IFNG-AS1: variants seen among roughly 807,000 people sequenced by gnomAD.
IFNG-AS1 encodes the protein IFNG regulatory antisense RNA 1.
In IFNG-AS1 at chr12:68,018,343, A is replaced by G. The variant is rs567208728; in HGVS notation, n.242-1519A>G. Reference sequence around the variant, plus strand: ...AGAATGAATTTGATGGATTTAATTGAATTTAACTAAATTAAAAGCATAATA... The same window carrying G: ...AGAATGAATTTGATGGATTTAATTGGATTTAACTAAATTAAAAGCATAATA... On this transcript the variant is annotated intron_variant and non_coding_transcript_variant, in intron 3 of 5. Coordinates refer to ENST00000536914, the Ensembl canonical transcript of IFNG-AS1. Among the ~76,000 whole-genome samples the G allele has an allele frequency of 5.2e-4, 79 of 152,280 alleles. 1 individual carries two copies. In the South Asian group the frequency reaches 0.016, roughly 30 times the overall value.
chr12:68,017,950 A>T (rs879367249), intron 3 of IFNG-AS1, among the ~76,000 whole-genome samples: 1 of 152,188 alleles, frequency 6.6e-6, no homozygotes, highest in Non-Finnish European at 1.5e-5. Flanking sequence ...TACTATTTTT[A>T]GATTATTCAC....
intron 1 of IFNG-AS1, among the ~76,000 whole-genome samples, chr12:67,994,783 G>A (rs1879596501): frequency 6.6e-6 from 1 of 152,182 alleles, no homozygotes; most frequent in African/African-American, 2.4e-5. Context: ...CATCATAAGT[G>A]ATGAAAGTGA....
At chr12:68,020,896 C>A (rs1880271695) in intron 4 of IFNG-AS1, 1 of 152,142 alleles carries the variant, frequency 6.6e-6, no homozygotes, top group Non-Finnish European at 1.5e-5. Context: ...TTTCAAAGAA[C>A]CAAGTCTGAG....
chr12:68,017,103 G>C (rs141804523), intron 3 of IFNG-AS1, among the ~76,000 whole-genome samples: 335 of 152,294 alleles, frequency 2.2e-3, no homozygotes, highest in African/African-American at 7.6e-3. Context: ...ACCTGAGAAA[G>C]AGCCAAGTAT....
At position 68,019,898 on chromosome 12, in the gene IFNG-AS1, G is replaced by C. The variant is rs2051993; in HGVS notation, n.278G>C. The C allele has an allele frequency of 9.2e-5, 14 of 151,944 alleles. 1 individual carries two copies. The highest frequency in any genetic ancestry group is 3.4e-4 in the African/African-American group (14 of 41,350). The allele number at this position is 151,944 out of a possible 1,614,324, so 9.4% of individuals were successfully genotyped here. On this transcript the variant is annotated splice_region_variant and non_coding_transcript_exon_variant, in exon 4 of 6. Coordinates refer to ENST00000536914, the Ensembl canonical transcript of IFNG-AS1. ...ACCAACTGCTAACAACCAGCTGGAG[G>C]GTAAGTCAAAAGCTATGAGAGCCCA... is the stretch of plus-strand genomic sequence containing the variant.
intron 3 of IFNG-AS1, among the ~76,000 whole-genome samples, chr12:68,016,696 A>C (rs1458457105): frequency 6.6e-6 from 1 of 152,138 alleles, no homozygotes; most frequent in Admixed American, 6.5e-5. Context: ...ATTCAACTTC[A>C]CAATTCACTG....
intron 4 of IFNG-AS1, chr12:68,020,595 T>C (rs1880263833): frequency 6.6e-6 from 1 of 152,154 alleles, no homozygotes; most frequent in South Asian, 2.1e-4. Context: ...ATTTCAGACA[T>C]GCAAAGAAAT....
At chr12:67,997,475 C>A (rs1234544195) in intron 2 of IFNG-AS1, among the ~76,000 whole-genome samples, 1 of 151,574 alleles carries the variant, frequency 6.6e-6, no homozygotes, top group Non-Finnish European at 1.5e-5. Context: ...TATCTCACAC[C>A]ATATACAAGC....
At chr12:68,000,549 G>C (rs918466159) in intron 2 of IFNG-AS1, among the ~76,000 whole-genome samples, 2 of 152,052 alleles carry the variant, frequency 1.3e-5, no homozygotes, top group African/African-American at 4.8e-5. Context: ...GTGCACACCT[G>C]TAAGTCCCAG....
At chr12:67,993,293 G>A (rs1240594656) in intron 1 of IFNG-AS1, among the ~76,000 whole-genome samples, 4 of 152,162 alleles carry the variant, frequency 2.6e-5, no homozygotes, top group Non-Finnish European at 4.4e-5. Context: ...ACAGGATTTA[G>A]AAGAGCAATC....
intron 2 of IFNG-AS1, among the ~76,000 whole-genome samples, chr12:68,000,608 A>G (rs895168293): frequency 6.6e-6 from 1 of 152,156 alleles, no homozygotes; most frequent in African/African-American, 2.4e-5. Context: ...GGAGTTTCAG[A>G]CTGCAGTGAG....
chr12:68,014,485 C>T (rs1470806979), intron 3 of IFNG-AS1, among the ~76,000 whole-genome samples: 1 of 152,160 alleles, frequency 6.6e-6, no homozygotes. Flanking sequence ...TATGGCTATT[C>T]TTGCAGGGGT....
At chr12:67,991,341 G>A (rs1879507557) in intron 1 of IFNG-AS1, among the ~76,000 whole-genome samples, 1 of 152,144 alleles carries the variant, frequency 6.6e-6, no homozygotes, top group Admixed American at 6.5e-5. Context: ...CATAGGGTTG[G>A]AGCATCTGGG....
chr12:68,009,080 T>A (rs1471455333), intron 3 of IFNG-AS1, among the ~76,000 whole-genome samples: 3 of 152,272 alleles, frequency 2.0e-5, no homozygotes, highest in African/African-American at 7.2e-5. Context: ...CCCCTCCTTG[T>A]GCCTTGGTTT....
At chr12:68,004,347 T>A (rs1224381825) in intron 2 of IFNG-AS1, among the ~76,000 whole-genome samples, 1 of 152,178 alleles carries the variant, frequency 6.6e-6, no homozygotes, top group East Asian at 1.9e-4. Context: ...CCCCAGAGGA[T>A]CTTCCAAGCT....
At chr12:68,007,982 C>T (rs1879943567) in intron 3 of IFNG-AS1, among the ~76,000 whole-genome samples, 2 of 152,156 alleles carry the variant, frequency 1.3e-5, no homozygotes, top group Admixed American at 6.5e-5. Flanking sequence ...TTTAAAAAAT[C>T]AGGCAAACTA....
At chr12:68,001,635 T>G (rs1484814469) in intron 2 of IFNG-AS1, 1 of 152,376 alleles carries the variant, frequency 6.6e-6, no homozygotes, top group Non-Finnish European at 1.5e-5. Context: ...ATATTTTGCT[T>G]TGGAGAATTC....
chr12:68,020,832 G>A (rs1209047246), intron 4 of IFNG-AS1: 1 of 152,166 alleles, frequency 6.6e-6, no homozygotes, highest in Admixed American at 6.6e-5. Context: ...TTATGTTAAA[G>A]GGACAAGTAA....
At chr12:68,010,955 T>C (rs556484700) in intron 3 of IFNG-AS1, among the ~76,000 whole-genome samples, 1 of 152,346 alleles carries the variant, frequency 6.6e-6, no homozygotes, top group African/African-American at 2.4e-5. Context: ...TTCCTAGTTC[T>C]CTGTCAGGGG....
Sources: allele counts gnomAD v4.1 joint callset (sites outside exome capture counted in the v4.1 genomes callset), GRCh38; gene constraint gnomAD v4.1.1; transcripts MANE v1.5; gene names NCBI Gene and HGNC (gene_info 2026-07-23, HGNC 2026-07-21).